The following DMXL1 variants were observed in gnomAD, a reference collection of about 807,000 sequenced individuals.
DMXL1 encodes dmX-like protein 1.
In DMXL1, 99 loss-of-function variants were observed where a neutral mutation model predicts 319.2. The observed-to-expected ratio is 0.31, with a 90% CI of 0.26 to 0.37. The LOEUF is 0.37. DMXL1 is among the 10% of genes least tolerant of loss of function. DMXL1 has a pLI of 1.00. For missense variants in DMXL1, 3,745 were observed against 3,595.6 expected (o/e 1.04, Z -1.06); for synonymous variants, 1,385 against 1,235.2 (o/e 1.12, Z -2.54).
intron 19 of DMXL1, among the ~76,000 whole-genome samples, chr5:119,155,826 C>CAA (rs35851317): frequency 0.27 from 22,764 of 84,432 alleles, 2,554 homozygotes; most frequent in East Asian, 0.49. Context: ...GACCCTGTCT[C>CAA]AAAAAAAAAA....
intron 9 of DMXL1, among the ~76,000 whole-genome samples, chr5:119,125,936 G>C (rs886220022): frequency 6.6e-5 from 10 of 151,974 alleles, no homozygotes; most frequent in Non-Finnish European, 8.8e-5. Context: ...TAAGCATATA[G>C]GTTTTTTTCT....
At chr5:119,080,255 G>T (rs1580568008) in intron 1 of DMXL1, among the ~76,000 whole-genome samples, 1 of 152,260 alleles carries the variant, frequency 6.6e-6, no homozygotes, top group Non-Finnish European at 1.5e-5. Flanking sequence ...GTTGAGGCAG[G>T]ATAATTGCTT....
At chr5:119,220,653 A>C in intron 36 of DMXL1, 60 bp downstream of exon 36, 2 of 1,576,468 alleles carry the variant, frequency 1.3e-6, no homozygotes, top group Non-Finnish European at 1.7e-6. Context: ...ATATTTACTG[A>C]ACTAAAACTT....
chr5:119,119,886 G>A (rs1449771846), intron 8 of DMXL1, among the ~76,000 whole-genome samples: 2 of 151,330 alleles, frequency 1.3e-5, no homozygotes, highest in African/African-American at 4.9e-5. Flanking sequence ...GAGTTGTTTT[G>A]TTGTTGTTTT....
chr5:119,186,292 A>G (rs1486394578), intron 28 of DMXL1, among the ~76,000 whole-genome samples: 2 of 152,118 alleles, frequency 1.3e-5, no homozygotes, highest in African/African-American at 4.8e-5. Context: ...TGTTGTTGAG[A>G]CAGGTTCTTG....
chr5:119,174,849 T>A (rs1321969795), intron 25 of DMXL1, among the ~76,000 whole-genome samples: 1 of 152,238 alleles, frequency 6.6e-6, no homozygotes, highest in Non-Finnish European at 1.5e-5. Flanking sequence ...GAATATGTGG[T>A]AGCATATTCT....
intron 38 of DMXL1, among the ~76,000 whole-genome samples, chr5:119,226,117 G>A (rs950167331): frequency 2.0e-5 from 3 of 152,054 alleles, no homozygotes; most frequent in African/African-American, 7.2e-5. Context: ...AGCTTCAAAG[G>A]TAATTGATGG....
chr5:119,233,612 A>G, intron 39 of DMXL1, 145 bp downstream of exon 39: 1 of 580,726 alleles, frequency 1.7e-6, no homozygotes, highest in South Asian at 2.6e-5. Context: ...TTCTCAAAGA[A>G]CACTTAACTT....
intron 1 of DMXL1, among the ~76,000 whole-genome samples, chr5:119,094,998 G>A (rs1755613434): frequency 6.6e-6 from 1 of 152,082 alleles, no homozygotes; most frequent in African/African-American, 2.4e-5. Context: ...TGGGACTACA[G>A]GCGTACGCCA....
chr5:119,184,490 GT>G (rs1174334286), intron 28 of DMXL1, among the ~76,000 whole-genome samples: 2 of 152,164 alleles, frequency 1.3e-5, no homozygotes, highest in South Asian at 2.1e-4. Flanking sequence ...TTCCATTATA[GT>G]TTTTTTATTA....
intron 32 of DMXL1, among the ~76,000 whole-genome samples, chr5:119,198,826 G>A (rs184940687): frequency 1.1e-4 from 16 of 152,288 alleles, no homozygotes; most frequent in South Asian, 4.1e-4. Flanking sequence ...AACTCACATC[G>A]TGAGGATTTG....
intron 1 of DMXL1, among the ~76,000 whole-genome samples, chr5:119,083,698 G>A (rs758064761): frequency 6.6e-5 from 10 of 151,704 alleles, no homozygotes; most frequent in Non-Finnish European, 1.5e-4. Context: ...GTGCCACCAC[G>A]CCTGGCTAAT....
rs1554139474 is a variant in DMXL1, at chr5:119,202,889, A to ATATATATATATATATT, written c.7746-415_7746-414insTTATATATATATATAT. Among the ~76,000 whole-genome samples the ATATATATATATATATT allele has an allele frequency of 1.2e-3, 163 of 141,390 alleles. 2 individuals carry two copies. The highest frequency in any genetic ancestry group is 4.0e-3 in the African/African-American group (154 of 38,146). The allele number at this position is 141,390 out of a possible 152,430, so 92.8% of individuals were successfully genotyped here. A position where few individuals can be genotyped will look rare whatever the true frequency, so the allele number is the denominator to read the frequency against. On this transcript the variant is annotated intron_variant, in intron 32 of 43. Coordinates refer to ENST00000539542, the MANE Select transcript of DMXL1 (RefSeq NM_001290321.3). ...CATATATATATATATATATTTTTAT[A>ATATATATATATATATT]TATATATATATATATATTTATATAT...
At chr5:119,124,567 T>C (rs1351176707) in intron 9 of DMXL1, among the ~76,000 whole-genome samples, 1 of 137,782 alleles carries the variant, frequency 7.3e-6, no homozygotes, top group African/African-American at 3.1e-5. Context: ...TGATGACTTT[T>C]TTTTTTTTTT....
rs188421692 is a variant in DMXL1, at chr5:119,106,079, T to C, written c.364+821T>C. 3.9e-5 allele frequency among the ~76,000 whole-genome samples: 6 copies of C among 152,274 alleles called. No homozygotes were observed. The East Asian group carries it at 1.2e-3, about 29-fold the overall frequency. Reference sequence around the variant, plus strand: ...GTCTATTGTTCCATGTGGTAGTGACTGAAGCAGTTTATCTGCAGCTAAAAG... The same window carrying C: ...GTCTATTGTTCCATGTGGTAGTGACCGAAGCAGTTTATCTGCAGCTAAAAG... On this transcript the variant is annotated intron_variant, in intron 4 of 43. Transcript: ENST00000539542.
rs755085610 is a variant in DMXL1 at position 119,121,121 on chromosome 5, A to G, written c.1084A>G (p.Ser362Gly). ...ACTTTGCCACTTTCATATTGCAGCC[A>G]GCATCAACCCAGCCACAGGTAATGA... ...NALCHFHIAASINPATDIPLL... is the reference protein window; with the variant it reads ...NALCHFHIAAGINPATDIPLL... The change falls in exon 9 of 44, where the codon AGC (serine) becomes GGC (glycine). Residue 362 changes from serine to glycine, a missense_variant. Ser to Gly is a moderately conservative substitution (Grantham distance 56). Coordinates refer to ENST00000539542, the MANE Select transcript of DMXL1 (RefSeq NM_001290321.3). The G allele has an allele frequency of 6.2e-7, 1 of 1,606,516 alleles. No homozygotes were observed. The highest frequency in any genetic ancestry group is 8.5e-7 in the Non-Finnish European group (1 of 1,177,894).
intron 41 of DMXL1, among the ~76,000 whole-genome samples, chr5:119,239,818 G>A (rs1480608089): frequency 1.4e-4 from 21 of 151,940 alleles, no homozygotes; most frequent in Admixed American, 1.2e-3. Context: ...TTAGCCAGGC[G>A]TGGTGGCAGG....
chr5:119,081,549 T>G (rs1752193033), intron 1 of DMXL1: 7 of 984,942 alleles, frequency 7.1e-6, no homozygotes, highest in Non-Finnish European at 7.2e-6. Context: ...TATAGTTGGC[T>G]TCTGGTTAAG....
chr5:119,204,047 C>G (rs1245819292), intron 33 of DMXL1, among the ~76,000 whole-genome samples: 1 of 152,100 alleles, frequency 6.6e-6, no homozygotes, highest in African/African-American at 2.4e-5. Flanking sequence ...TGGTCTCGAT[C>G]TCCTGACCTG....
Sources: gnomAD v4.1 joint callset for allele counts (sites outside exome capture counted in the v4.1 genomes callset) on GRCh38, gnomAD v4.1.1 for gene constraint, MANE v1.5 for transcripts, NCBI Gene and HGNC (gene_info 2026-07-23, HGNC 2026-07-21) for gene names.